The following DCLK3 variants were observed in gnomAD, a reference collection of about 807,000 sequenced individuals.
The protein encoded by DCLK3 is serine/threonine-protein kinase DCLK3.
Under a neutral mutation model 46.4 loss-of-function variants are expected in DCLK3, and 30 were observed. The ratio of observed to expected loss-of-function variants is 0.65; its 90% CI spans 0.48 to 0.88. The LOEUF (loss-of-function observed/expected upper bound fraction) is 0.88, where lower values mean the gene tolerates loss of function less well. Among genes scored for constraint, DCLK3 ranks in the 40% least tolerant of loss-of-function variants. The pLI is 0.00. For missense variants in DCLK3, 846 were observed against 907.1 expected (o/e 0.93, Z 0.87); for synonymous variants, 401 against 339.2 (o/e 1.18, Z -2.00).
chr3:36,748,631 G>C (rs145647685), intron 1 of DCLK3, among the ~76,000 whole-genome samples: 1 of 151,972 alleles, frequency 6.6e-6, no homozygotes, highest in African/African-American at 2.4e-5. Context: ...GGACACTGGC[G>C]GAGGGCACAC....
At chr3:36,723,277 G>C (rs1375777670) in intron 2 of DCLK3, among the ~76,000 whole-genome samples, 1 of 152,162 alleles carries the variant, frequency 6.6e-6, no homozygotes, top group African/African-American at 2.4e-5. Context: ...GAGGTGACTT[G>C]GGTGCTGTTA....
intron 2 of DCLK3, among the ~76,000 whole-genome samples, chr3:36,729,255 G>T (rs994102810): frequency 1.3e-5 from 2 of 151,606 alleles, no homozygotes; most frequent in Non-Finnish European, 2.9e-5. Context: ...GTGTGGGGGG[G>T]GGGGGTACAA....
In DCLK3 at chr3:36,712,531, A is replaced by G. The variant is rs1400823902; in HGVS notation, c.*2797T>C. On this transcript the variant is annotated 3_prime_UTR_variant, in exon 5 of 5. Coordinates refer to ENST00000636136, the MANE Select transcript of DCLK3 (RefSeq NM_001394672.2). ...TATATACCCCCATAAATCCATTATT[A>G]CATTCAAGAAAATGAACACGTCCCT... The G allele has an allele frequency of 2.0e-5, 3 of 152,180 alleles. No individual in the cohort carries two copies. The East Asian group carries it at 5.8e-4, about 29-fold the overall frequency. 9.4% of individuals were successfully genotyped at this position (152,180 alleles called of 1,614,324 possible). A position where few individuals can be genotyped will look rare whatever the true frequency, so the allele number is the denominator to read the frequency against.
chr3:36,736,561 C>A (rs1428730120), intron 2 of DCLK3, among the ~76,000 whole-genome samples: 2 of 152,272 alleles, frequency 1.3e-5, no homozygotes, highest in Non-Finnish European at 1.5e-5. Context: ...TCAAGGGTTG[C>A]TTTTCTTTTT....
At chr3:36,723,719 G>A (rs761094806) in intron 2 of DCLK3, among the ~76,000 whole-genome samples, 30 of 152,208 alleles carry the variant, frequency 2.0e-4, no homozygotes, top group Admixed American at 6.5e-4. Flanking sequence ...GTCAAGAATT[G>A]GGGTTTAGGA....
At chr3:36,740,455 A>G (rs1701332564) in intron 1 of DCLK3, among the ~76,000 whole-genome samples, 1 of 152,206 alleles carries the variant, frequency 6.6e-6, no homozygotes, top group Admixed American at 6.5e-5. Context: ...TAGAGTTAGT[A>G]TAGGAAAATT....
intron 1 of DCLK3, among the ~76,000 whole-genome samples, chr3:36,761,779 G>A (rs562397276): frequency 2.0e-5 from 3 of 152,182 alleles, no homozygotes; most frequent in East Asian, 1.9e-4. Context: ...AACTTCTGGA[G>A]GCTGGTGGAG....
rs1403796987 is a variant in DCLK3, at chr3:36,746,727, G to A, written c.83-7643C>T. Among the ~76,000 whole-genome samples the A allele has an allele frequency of 3.9e-5, 6 of 152,334 alleles. No homozygotes were observed. In the East Asian group the frequency reaches 5.8e-4, roughly 15 times the overall value. ...TGAGTTTTTCCCTGCTGTCACTGAC[G>A]TGTCTCCTTAGAGGATCCTGCTGAA... On this transcript the variant is annotated intron_variant, in intron 1 of 4. Coordinates refer to ENST00000636136, the MANE Select transcript of DCLK3 (RefSeq NM_001394672.2).
chr3:36,716,902 G>T (rs1700987282), intron 4 of DCLK3, among the ~76,000 whole-genome samples: 1 of 152,124 alleles, frequency 6.6e-6, no homozygotes, highest in East Asian at 1.9e-4. Context: ...TCAATTCCCA[G>T]TTGCCACTGC....
chr3:36,737,899 T>G lies in DCLK3; in HGVS notation c.1268A>C (p.Glu423Ala). 1.9e-6 allele frequency: 3 copies of G among 1,614,078 alleles called. No individual in the cohort carries two copies. Among genetic ancestry groups the G allele is most frequent in the Non-Finnish European group, 2.5e-6 (3 of 1,180,024 alleles). ...CTTCTTCACCTCCCTCAGCCCCTCC[T>G]CTGTGACAGGAAGAACTTCCACAAG... ...KDLVEVLPVTEEGLREVKKDT... is the reference protein window; with the variant it reads ...KDLVEVLPVTAEGLREVKKDT... Residue 423 changes from glutamate to alanine, a missense_variant, in exon 2 of 5, where the codon GAG becomes GCG. This residue lies in a region of DCLK3 where 553 missense variants were observed against 543.0 expected (regional missense o/e 1.02). Coordinates refer to ENST00000636136, the MANE Select transcript of DCLK3 (RefSeq NM_001394672.2). The surrounding 1 kb of genome is among the most constrained non-coding windows in gnomAD (Gnocchi z 4.4).
intron 1 of DCLK3, among the ~76,000 whole-genome samples, chr3:36,753,056 C>A (rs7620928): frequency 0.76 from 115,901 of 152,022 alleles, 44,660 homozygotes; most frequent in Middle Eastern, 0.86. Context: ...TTAAGAAAAA[C>A]TTCTTAAGAA....
At chr3:36,747,040 T>C (rs1701399501) in intron 1 of DCLK3, among the ~76,000 whole-genome samples, 1 of 152,182 alleles carries the variant, frequency 6.6e-6, no homozygotes. Context: ...TTCATAAAGT[T>C]AATAAGTAAT....
rs543919625 is a variant in DCLK3 at position 36,737,013 on chromosome 3, A to G, written c.1959+195T>C. Among the ~76,000 whole-genome samples the G allele has an allele frequency of 6.6e-6, 1 of 152,342 alleles. No homozygotes were observed. Among genetic ancestry groups the G allele is most frequent in the Non-Finnish European group, 1.5e-5 (1 of 68,030 alleles). ...TAAATTGGAAGGTTTCTTTTTCTGT[A>G]AGTTAATCAAAACTAATTTATCTCA... On this transcript the variant is annotated intron_variant, in intron 2 of 4. Transcript: ENST00000636136. This position sits in a 1 kb window ranked among gnomAD's most constrained non-coding sequence, Gnocchi z 4.4.
Position 36,727,885 on chromosome 3 carries a change from T to A in DCLK3, c.1960-6226A>T, listed in dbSNP as rs751130512. Among the ~76,000 whole-genome samples, 21 of 152,224 alleles carry A rather than the reference T, an allele frequency of 1.4e-4. No individual in the cohort carries two copies. In the South Asian group the frequency reaches 1.4e-3, roughly 10 times the overall value. ...ATTTTTGCAACAAGCACCTCACATA[T>A]TTGGCTTCAGAACAGTTCCTATCTT... On this transcript the variant is annotated intron_variant, in intron 2 of 4. Transcript: ENST00000636136.
intron 2 of DCLK3, among the ~76,000 whole-genome samples, chr3:36,728,342 C>G (rs1197877401): frequency 6.6e-6 from 1 of 151,848 alleles, no homozygotes; most frequent in Non-Finnish European, 1.5e-5. Flanking sequence ...ATACCTAGTA[C>G]TGATAAAGTA....
intron 1 of DCLK3, among the ~76,000 whole-genome samples, chr3:36,746,463 A>G (rs887191675): frequency 5.9e-5 from 9 of 152,172 alleles, no homozygotes; most frequent in African/African-American, 2.2e-4. Flanking sequence ...CCCTGACCAC[A>G]CGATAATCCT....
chr3:36,745,236 T>C (rs1297118847), intron 1 of DCLK3, among the ~76,000 whole-genome samples: 1 of 152,258 alleles, frequency 6.6e-6, no homozygotes, highest in East Asian at 1.9e-4. Flanking sequence ...AAAGAGATTT[T>C]ACCTTTTCCA....
Position 36,713,251 on chromosome 3 carries a change from A to C in DCLK3, c.*2077T>G, listed in dbSNP as rs564791232. 2 of 152,282 alleles carry C rather than the reference A, an allele frequency of 1.3e-5. No homozygotes were observed. The highest frequency in any genetic ancestry group is 3.9e-4 in the East Asian group (2 of 5,182). 9.4% of individuals were successfully genotyped at this position (152,282 alleles called of 1,614,324 possible). A position where few individuals can be genotyped will look rare whatever the true frequency, so the allele number is the denominator to read the frequency against. ...AGACTGAATCTATACAAGAGATCCA[A>C]AGGTATAGGAGAAAAAAAAACCAGA... On this transcript the variant is annotated 3_prime_UTR_variant, in exon 5 of 5. Transcript: ENST00000636136.
In DCLK3 at chr3:36,749,944, T is replaced by C. The variant is rs574860383; in HGVS notation, c.83-10860A>G. On this transcript the variant is annotated intron_variant, in intron 1 of 4. Coordinates refer to ENST00000636136, the MANE Select transcript of DCLK3 (RefSeq NM_001394672.2). The stretch of plus-strand genomic sequence containing the variant: ...AATAATAAGGGAATAGTATGATTAA[T>C]TTTATGCCATCAAAGGAGACAACTT... Among the ~76,000 whole-genome samples the C allele has an allele frequency of 4.6e-5, 7 of 152,340 alleles. No homozygotes were observed. The East Asian group carries it at 1.3e-3, about 29-fold the overall frequency.
Sources: gnomAD v4.1 joint callset for allele counts (sites outside exome capture counted in the v4.1 genomes callset) on GRCh38, gnomAD v4.1.1 for gene constraint, gnomAD v4.1.1 regional missense constraint, Gnocchi (gnomAD v3.1) non-coding constraint, MANE v1.5 for transcripts, NCBI Gene and HGNC (gene_info 2026-07-23, HGNC 2026-07-21) for gene names.